Variants in DAPK1 observed in about 807,000 individuals in gnomAD.
The protein encoded by DAPK1 is death associated protein kinase 1, also known as death-associated protein kinase 1.
DAPK1 carries 56 observed loss-of-function variants against 144.9 expected under a neutral mutation model. The observed-to-expected ratio is 0.39, with a 90% confidence interval of 0.31 to 0.48. The LOEUF (loss-of-function observed/expected upper bound fraction) is 0.48, where lower values mean the gene tolerates loss of function less well. DAPK1 is among the 20% of genes least tolerant of loss of function. The pLI is 0.95. For missense variants in DAPK1, 1,454 were observed against 1,875.4 expected, an observed-to-expected ratio of 0.78 and a Z score of 4.15; for synonymous variants, 690 against 749.0, an observed-to-expected ratio of 0.92 and a Z score of 1.29.
intron 2 of DAPK1, among the ~76,000 whole-genome samples, chr9:87,534,106 A>AT (rs5899003): frequency 2.5e-4 from 37 of 149,808 alleles, no homozygotes; most frequent in East Asian, 1.2e-3. Flanking sequence ...ATTTCTTGCG[A>AT]TTTTTTTTTT....
chr9:87,550,595 A>C (rs1444775244), intron 2 of DAPK1, among the ~76,000 whole-genome samples: 1 of 152,240 alleles, frequency 6.6e-6, no homozygotes, highest in East Asian at 1.9e-4. Flanking sequence ...TGGGAGTGCA[A>C]CCTACTGCAG....
intron 3 of DAPK1, among the ~76,000 whole-genome samples, chr9:87,617,445 G>A (rs1276440832): frequency 1.3e-5 from 2 of 152,036 alleles, no homozygotes; most frequent in African/African-American, 2.4e-5. Context: ...AGTGGTCTTG[G>A]TGCTCCTTGA....
At chr9:87,571,498 A>ACACACAC (rs1554684284) in intron 2 of DAPK1, among the ~76,000 whole-genome samples, 509 of 46,468 alleles carry the variant, frequency 0.011, 67 homozygotes, top group Middle Eastern at 0.024. Flanking sequence ...CACACACCCC[A>ACACACAC]ACACACACAC....
In DAPK1 at chr9:87,497,936, C is replaced by T. The variant is rs1041016000; in HGVS notation, c.-280C>T. On this transcript the variant is annotated 5_prime_UTR_variant, in exon 1 of 26. Coordinates refer to ENST00000408954, the MANE Select transcript of DAPK1 (RefSeq NM_004938.4). ...GACTTTGTTCCCTCCGCGGAGGGGA[C>T]TCGGCAACTCGCAGCGGCAGGGTCT... is the stretch of plus-strand genomic sequence containing the variant. The T allele has an allele frequency of 7.6e-6, 3 of 396,334 alleles. No homozygotes were observed. The highest frequency in any genetic ancestry group is 1.3e-5 in the Non-Finnish European group (3 of 225,210). The allele number at this position is 396,334 out of a possible 1,614,324, so 24.6% of individuals were successfully genotyped here.
intron 18 of DAPK1, among the ~76,000 whole-genome samples, chr9:87,662,672 A>G (rs1378221365): frequency 7.0e-6 from 1 of 143,570 alleles, no homozygotes; most frequent in African/African-American, 2.6e-5. Flanking sequence ...CTGTATGTTA[A>G]TTTTGTATTC....
chr9:87,538,402 G>A (rs1042568009), intron 2 of DAPK1, among the ~76,000 whole-genome samples: 1 of 152,160 alleles, frequency 6.6e-6, no homozygotes, highest in African/African-American at 2.4e-5. Context: ...AGATGTCCGA[G>A]TGTGTGTAGA....
intron 11 of DAPK1, among the ~76,000 whole-genome samples, chr9:87,643,669 G>A (rs1381137452): frequency 6.6e-6 from 1 of 151,760 alleles, no homozygotes; most frequent in African/African-American, 2.4e-5. Flanking sequence ...TGATTTGGAT[G>A]GTGCTGTCCC....
At chr9:87,634,778 C>T (rs1166540580) in intron 3 of DAPK1, among the ~76,000 whole-genome samples, 1 of 152,174 alleles carries the variant, frequency 6.6e-6, no homozygotes, top group Non-Finnish European at 1.5e-5. Context: ...ACTCCACCCA[C>T]GGTCCCTGAC....
intron 2 of DAPK1, among the ~76,000 whole-genome samples, chr9:87,537,174 G>C (rs1825887656): frequency 6.6e-6 from 1 of 152,008 alleles, no homozygotes; most frequent in South Asian, 2.1e-4. Flanking sequence ...TTTTAGTAGA[G>C]CCAGGGTTTC....
At chr9:87,634,018 G>C (rs1342748681) in intron 3 of DAPK1, among the ~76,000 whole-genome samples, 1 of 152,266 alleles carries the variant, frequency 6.6e-6, no homozygotes, top group African/African-American at 2.4e-5. Context: ...GTTGCCCCAG[G>C]TTGGGCTGTG....
Position 87,507,537 on chromosome 9 carries a change from C to T in DAPK1, c.62+8398C>T, listed in dbSNP as rs554823112. Among the ~76,000 whole-genome samples the T allele has an allele frequency of 1.2e-4, 18 of 152,230 alleles. No individual in the cohort carries two copies. In the South Asian group the frequency reaches 1.2e-3, roughly 11 times the overall value. ...GGCTTTTACCTTATGTACTACCTTT[C>T]GATGTTTCAGTTGTGAGCTTGAAAA... On this transcript the variant is annotated intron_variant, in intron 2 of 25. Coordinates refer to ENST00000408954, the MANE Select transcript of DAPK1 (RefSeq NM_004938.4).
chr9:87,535,444 A>T (rs1825827082), intron 2 of DAPK1, among the ~76,000 whole-genome samples: 1 of 152,212 alleles, frequency 6.6e-6, no homozygotes, highest in African/African-American at 2.4e-5. Flanking sequence ...TTTGAGTGTG[A>T]TTAAAAAACA....
chr9:87,631,338 C>A (rs1227867339), intron 3 of DAPK1, among the ~76,000 whole-genome samples: 1 of 152,218 alleles, frequency 6.6e-6, no homozygotes, highest in Non-Finnish European at 1.5e-5. Flanking sequence ...GCAATACCTT[C>A]TCCTGCATTA....
chr9:87,677,810 G>A lies in DAPK1; in HGVS notation c.2002-3594G>A, dbSNP rs889878742. On this transcript the variant is annotated intron_variant, in intron 19 of 25. Coordinates refer to ENST00000408954, the MANE Select transcript of DAPK1 (RefSeq NM_004938.4). Reference sequence around the variant, plus strand: ...TGTGGGTATAGCCTTGGACTCACAAGGAAGACCCAGGGCTGCTGCGGAAGG... The same window carrying A: ...TGTGGGTATAGCCTTGGACTCACAAAGAAGACCCAGGGCTGCTGCGGAAGG... Among the ~76,000 whole-genome samples, 5 of 152,164 alleles carry A rather than the reference G, an allele frequency of 3.3e-5. No individual in the cohort carries two copies. The East Asian group carries it at 5.8e-4, about 18-fold the overall frequency.
chr9:87,602,863 A>G (rs1283199194), intron 2 of DAPK1, among the ~76,000 whole-genome samples: 2 of 151,310 alleles, frequency 1.3e-5, no homozygotes, highest in African/African-American at 4.9e-5. Context: ...CGAACTCCTG[A>G]CCTCATGATC....
intron 2 of DAPK1, among the ~76,000 whole-genome samples, chr9:87,542,188 G>A (rs919260617): frequency 6.6e-6 from 1 of 152,194 alleles, no homozygotes; most frequent in Non-Finnish European, 1.5e-5. Context: ...GATTAGCAGT[G>A]AAAGATTAAT....
chr9:87,656,820 G>A (rs776380185), intron 17 of DAPK1, among the ~76,000 whole-genome samples: 31 of 152,152 alleles, frequency 2.0e-4, no homozygotes, highest in Admixed American at 1.2e-3. Flanking sequence ...ACCACATCTC[G>A]GCTGTTTAAA....
At chr9:87,666,665 G>C (rs564700164) in intron 18 of DAPK1, among the ~76,000 whole-genome samples, 1 of 151,792 alleles carries the variant, frequency 6.6e-6, no homozygotes, top group Admixed American at 6.6e-5. Flanking sequence ...GTAAAGACGG[G>C]GTTTCACCAT....
intron 18 of DAPK1, among the ~76,000 whole-genome samples, chr9:87,663,025 AT>A (rs1397688318): frequency 6.6e-6 from 1 of 151,548 alleles, no homozygotes; most frequent in Non-Finnish European, 1.5e-5. Flanking sequence ...TCCAGAAGCA[AT>A]TCCATCCTCC....
Sources: gnomAD v4.1 joint callset for allele counts (sites outside exome capture counted in the v4.1 genomes callset) on GRCh38, gnomAD v4.1.1 for gene constraint, MANE v1.5 for transcripts, NCBI Gene and HGNC (gene_info 2026-07-23, HGNC 2026-07-21) for gene names.